The following ZNF469 variants were observed in gnomAD, a reference collection of about 807,000 sequenced individuals.
ZNF469 encodes zinc finger protein 469.
Under a neutral mutation model 1.0 loss-of-function variants are expected in ZNF469, and 1 was observed. The ratio of observed to expected loss-of-function variants is 1.00; its 90% CI spans 0.35 to 4.73. ZNF469 has a LOEUF of 4.73. Among genes scored for constraint, ZNF469 ranks in the 30% most tolerant of loss-of-function variants. ZNF469 has a pLI of 0.16. For missense variants in ZNF469, 6,100 were observed against 5,356.3 expected (o/e 1.14, Z -4.33); for synonymous variants, 2,703 against 2,363.4 (o/e 1.14, Z -4.17).
the ZNF469 span, among the ~76,000 whole-genome samples, chr16:88,114,843 C>T: frequency 6.6e-6 from 1 of 152,200 alleles, no homozygotes; most frequent in Non-Finnish European, 1.5e-5. Context: ...CTTGTGGCTG[C>T]CGCACTGAGA....
chr16:88,253,961 CT>C, the ZNF469 span, among the ~76,000 whole-genome samples: 48,017 of 150,372 alleles, frequency 0.32, 8,085 homozygotes, highest in Middle Eastern at 0.46. Flanking sequence ...TAGTCTGTAG[CT>C]TTTTTTTTTC....
the ZNF469 span, among the ~76,000 whole-genome samples, chr16:88,359,842 A>G: frequency 6.6e-6 from 1 of 152,214 alleles, no homozygotes; most frequent in Admixed American, 6.5e-5. Flanking sequence ...TGGATTGTAG[A>G]ATTAACATTG....
rs779376868 is a variant in ZNF469 at position 88,428,745 on chromosome 16, C to T, written c.1275C>T (p.Thr425=). Residue 425 remains threonine, a synonymous_variant, in exon 3 of 3, where the codon ACC becomes ACT. Coordinates refer to ENST00000565624, the MANE Select transcript of ZNF469 (RefSeq NM_001367624.2). ...GVDTSPGPPD[T]ELAAPGPPPA... is the part of the protein sequence containing the mutation. ...ACACCAGCCCGGGGCCTCCGGACAC[C>T]GAGCTGGCCGCCCCAGGGCCCCCAC... The T allele has an allele frequency of 1.3e-4, 195 of 1,546,436 alleles. No individual in the cohort carries two copies. Among genetic ancestry groups the T allele is most frequent in the Non-Finnish European group, 1.6e-4 (178 of 1,146,392 alleles).
chr16:88,430,278 G>T lies in ZNF469; in HGVS notation c.2808G>T (p.Ala936=), dbSNP rs1489416487. Residue 936 remains alanine, a synonymous_variant, in exon 3 of 3, where the codon GCG becomes GCT. Transcript: ENST00000565624. ...CCCTGGGTCTGGCCCCCACCGAGGC[G>T]GATGCGCCCAGCCAGGGCAGGCAGC... ...TRSLGLAPTE[A]DAPSQGRQQR... The T allele has an allele frequency of 7.9e-6, 12 of 1,515,452 alleles. No individual in the cohort carries two copies. The highest frequency in any genetic ancestry group is 3.4e-4 in the Middle Eastern group (2 of 5,836). The allele number at this position is 1,515,452 out of a possible 1,614,324, so 93.9% of individuals were successfully genotyped here. A position where few individuals can be genotyped will look rare whatever the true frequency, so the allele number is the denominator to read the frequency against.
At chr16:88,397,139 G>A (rs148607526) in intron 1 of ZNF469, among the ~76,000 whole-genome samples, 2 of 152,334 alleles carry the variant, frequency 1.3e-5, no homozygotes, top group East Asian at 3.9e-4. Flanking sequence ...AGGCTAAGTG[G>A]CCCCCAGGGC....
the ZNF469 span, among the ~76,000 whole-genome samples, chr16:88,333,384 AG>A: frequency 0.4 from 2,979 of 7,422 alleles, 384 homozygotes; most frequent in Non-Finnish European, 0.44. Context: ...GTCACGGAAG[AG>A]GGGCCCATGG....
At chr16:88,393,847 C>T (rs1904565136) in intron 1 of ZNF469, among the ~76,000 whole-genome samples, 1 of 152,228 alleles carries the variant, frequency 6.6e-6, no homozygotes, top group Non-Finnish European at 1.5e-5. Context: ...CGGTCTCCGG[C>T]CAGCAGCTTT....
chr16:88,432,476 C>G lies in ZNF469; in HGVS notation c.5006C>G (p.Ala1669Gly). The change falls in exon 3 of 3, where the codon GCA becomes GGA. Residue 1669 changes from alanine to glycine, a missense_variant. Ala to Gly is a moderately conservative substitution (Grantham distance 60). Coordinates refer to ENST00000565624, the MANE Select transcript of ZNF469 (RefSeq NM_001367624.2). ...CCAGCCTCCTTCCATCCGGGACATG[C>G]AGCCCTTCTCCCCTGTGCCCAGGAA... The part of the protein sequence containing the change: ...PCPASFHPGH[A>G]ALLPCAQEDL... 6.4e-7 allele frequency: 1 copy of G among 1,550,394 alleles called. No homozygotes were observed. The highest frequency in any genetic ancestry group is 8.7e-7 in the Non-Finnish European group (1 of 1,146,990).
Position 88,435,664 on chromosome 16 carries a change from C to G in ZNF469, c.8194C>G (p.Pro2732Ala). Reference sequence around the variant, plus strand: ...GCCACCTGGAGATCGGATGCTGTGTCCAGGGAGGATGGATGGTGCAGCTCT... The same window carrying G: ...GCCACCTGGAGATCGGATGCTGTGTGCAGGGAGGATGGATGGTGCAGCTCT... ...QKPPGDRMLC[P>A]GRMDGAALGE... Residue 2732 changes from proline to alanine, a missense_variant, in exon 3 of 3, where the codon CCA becomes GCA. Physicochemically the swap from Pro to Ala is conservative, Grantham distance 27. Coordinates refer to ENST00000565624, the MANE Select transcript of ZNF469 (RefSeq NM_001367624.2). 1 of 1,550,460 alleles carries G rather than the reference C, an allele frequency of 6.4e-7. No individual in the cohort carries two copies. The highest frequency in any genetic ancestry group is 1.4e-5 in the African/African-American group (1 of 73,136).
At chr16:88,399,089 T>C (rs1904782684) in intron 1 of ZNF469, among the ~76,000 whole-genome samples, 1 of 152,230 alleles carries the variant, frequency 6.6e-6, no homozygotes, top group East Asian at 1.9e-4. Flanking sequence ...TCCGAGAGTA[T>C]GATGTTGGCG....
At chr16:88,328,719 AGCTGAG>A in the ZNF469 span, among the ~76,000 whole-genome samples, 1 of 152,220 alleles carries the variant, frequency 6.6e-6, no homozygotes, top group Non-Finnish European at 1.5e-5. Context: ...GTGCACACAC[AGCTGAG>A]TGCAATGGGA....
chr16:88,313,004 C>T, the ZNF469 span, among the ~76,000 whole-genome samples: 1 of 152,182 alleles, frequency 6.6e-6, no homozygotes, highest in Non-Finnish European at 1.5e-5. Flanking sequence ...AGCTGATTGA[C>T]TCTGCAGCCT....
At chr16:88,201,409 G>A in the ZNF469 span, among the ~76,000 whole-genome samples, 1 of 152,064 alleles carries the variant, frequency 6.6e-6, no homozygotes, top group African/African-American at 2.4e-5. This position sits in a 1 kb window ranked among gnomAD's most constrained non-coding sequence, Gnocchi z 5.0. Context: ...ACAAAAATTA[G>A]CCGGGCGTGG....
rs548910839 is a variant in ZNF469 at position 88,438,180 on chromosome 16, G to A, written c.10710G>A (p.Ala3570=). The A allele has an allele frequency of 1.5e-3, 2,353 of 1,548,836 alleles. 1 individual carries two copies. The highest frequency in any genetic ancestry group is 1.8e-3 in the Non-Finnish European group (2,111 of 1,145,966). Residue 3570 remains alanine (A), a synonymous_variant, in exon 3 of 3, where the codon GCG becomes GCA. Transcript: ENST00000565624. The part of the protein sequence containing the change: ...AALADGRGDC[A]LDGALERPEN... ...TGGCTGATGGCAGAGGAGACTGCGC[G>A]CTGGACGGAGCCCTGGAGAGGCCAG...
chr16:88,381,530 C>G (rs532878203), upstream of ZNF469, among the ~76,000 whole-genome samples: 2 of 152,238 alleles, frequency 1.3e-5, no homozygotes, highest in African/African-American at 4.8e-5. Context: ...TGTCCACAGC[C>G]AGGGGACCCC....
chr16:88,346,881 C>T, the ZNF469 span, among the ~76,000 whole-genome samples: 2 of 152,244 alleles, frequency 1.3e-5, no homozygotes, highest in Admixed American at 6.5e-5. Flanking sequence ...CTCCCTCAGA[C>T]TTTCTTCAGA....
chr16:88,235,291 C>T, the ZNF469 span, among the ~76,000 whole-genome samples: 1 of 152,242 alleles, frequency 6.6e-6, no homozygotes, highest in Admixed American at 6.5e-5. Flanking sequence ...ACACATTTCT[C>T]TCCTTTTTAA....
At chr16:88,247,607 AGTG>A in the ZNF469 span, among the ~76,000 whole-genome samples, 15 of 138,666 alleles carry the variant, frequency 1.1e-4, no homozygotes, top group East Asian at 4.2e-4. Flanking sequence ...CGAGTGAGTG[AGTG>A]AATGTTTGAT....
the ZNF469 span, among the ~76,000 whole-genome samples, chr16:88,347,713 C>T: frequency 6.6e-6 from 1 of 152,246 alleles, no homozygotes; most frequent in Admixed American, 6.5e-5. Flanking sequence ...TGCACCTCAC[C>T]CCTGCCTCTG....
Sources: gnomAD v4.1 joint callset for allele counts (sites outside exome capture counted in the v4.1 genomes callset) on GRCh38, gnomAD v4.1.1 for gene constraint, Gnocchi (gnomAD v3.1) non-coding constraint, MANE v1.5 for transcripts, NCBI Gene and HGNC (gene_info 2026-07-23, HGNC 2026-07-21) for gene names.